Variants in MYH15 observed in about 807,000 individuals in gnomAD.
MYH15 encodes myosin heavy chain 15, also known as myosin-15.
MYH15 carries 227 observed loss-of-function variants against 240.5 expected under a neutral mutation model. The observed-to-expected ratio is 0.94, with a 90% confidence interval of 0.85 to 1.05. The LOEUF (loss-of-function observed/expected upper bound fraction) is 1.05. MYH15 is among the 50% of genes least tolerant of loss of function. MYH15 has a pLI of 0.00. For missense variants in MYH15, 2,217 were observed against 2,247.5 expected (o/e 0.99, Z 0.27); for synonymous variants, 785 against 796.7 (o/e 0.99, Z 0.25).
intron 1 of MYH15, among the ~76,000 whole-genome samples, chr3:108,516,773 A>T (rs1180446423): frequency 6.6e-6 from 1 of 152,220 alleles, no homozygotes; most frequent in East Asian, 1.9e-4. Flanking sequence ...AGGCAGGTTT[A>T]TCTTCTTCAA....
rs186897534 is a variant in MYH15 at position 108,470,531 on chromosome 3, A to G, written c.1383+167T>C. Among the ~76,000 whole-genome samples, 688 of 152,318 alleles carry G rather than the reference A, an allele frequency of 4.5e-3. 3 individuals are homozygous for G. Among genetic ancestry groups the G allele is most frequent in the Middle Eastern group, 0.031 (9 of 294 alleles). ...TAAATACTTAATACCATTAAGTATA[A>G]CAATAATTATTATTGATATTAATTA... On this transcript the variant is annotated intron_variant, in intron 13 of 40. Transcript: ENST00000693548.
chr3:108,512,402 G>C (rs1352656126), upstream of MYH15, among the ~76,000 whole-genome samples: 5 of 152,192 alleles, frequency 3.3e-5, no homozygotes, highest in Non-Finnish European at 7.3e-5. Flanking sequence ...AGGAAAAGCT[G>C]TAGTCAGGGA....
At chr3:108,492,414 T>C in intron 9 of MYH15, 86 bp downstream of exon 9, 1 of 941,480 alleles carries the variant, frequency 1.1e-6, no homozygotes, top group Non-Finnish European at 1.6e-6. Context: ...GCTAAGAAAC[T>C]TACCGAATAA....
chr3:108,484,994 AT>A, intron 11 of MYH15, 96 bp downstream of exon 11: 3 of 1,333,958 alleles, frequency 2.2e-6, no homozygotes, highest in Non-Finnish European at 3.1e-6. Context: ...CTATTGATTA[AT>A]TTTAAGTAAG....
Position 108,439,925 on chromosome 3 carries a change from A to C in MYH15, c.2899-12T>G. On this transcript the variant is annotated splice_polypyrimidine_tract_variant and intron_variant, in intron 23 of 40. Coordinates refer to ENST00000693548, the MANE Select transcript of MYH15 (RefSeq NM_014981.3). ...GTCAAGTTCTTGACCTGTGGGAAGA[A>C]GATGACAGCTTCATTAAAGCCACTG... 6.4e-7 allele frequency: 1 copy of C among 1,550,602 alleles called. No individual in the cohort carries two copies. The highest frequency in any genetic ancestry group is 8.7e-7 in the Non-Finnish European group (1 of 1,148,740).
rs1422109759 is a variant in MYH15, at chr3:108,399,183, C to T, written c.4821G>A (p.Lys1607=). Residue 1607 remains lysine (K), a synonymous_variant, in exon 34 of 41, where the codon AAG becomes AAA. Coordinates refer to ENST00000693548, the MANE Select transcript of MYH15 (RefSeq NM_014981.3). ...AKSRIEVTRL[K]KKMEEDLNEM... is the part of the protein sequence containing the mutation. ...CATTGAGGTCCTCTTCCATCTTCTT[C>T]TTCAGCCGGGTAACCTCAATTCTGC... The T allele has an allele frequency of 3.1e-6, 5 of 1,614,214 alleles. No individual in the cohort carries two copies. The Middle Eastern group carries it at 4.9e-4, about 160-fold the overall frequency.
chr3:108,471,073 G>GAGAGGGAGGGAGGGAGGA, intron 12 of MYH15, among the ~76,000 whole-genome samples: 1 of 128,082 alleles, frequency 7.8e-6, no homozygotes, highest in African/African-American at 2.9e-5. Context: ...GGGAGGGAGG[G>GAGAGGGAGGGAGGGAGGA]AGGAAGGAAG....
intron 16 of MYH15, 143 bp from the exon 17 acceptor site, chr3:108,460,510 A>G (rs1290211446): frequency 7.3e-6 from 4 of 551,330 alleles, no homozygotes; most frequent in Non-Finnish European, 1.2e-5. Context: ...CAAAATATTT[A>G]TGTCTTTTAT....
chr3:108,517,190 C>T (rs2083580264), intron 1 of MYH15, among the ~76,000 whole-genome samples: 1 of 152,200 alleles, frequency 6.6e-6, no homozygotes, highest in African/African-American at 2.4e-5. Context: ...TCCCTCTTTT[C>T]ACTAGTTTCT....
chr3:108,502,847 A>C (rs1576272764), intron 2 of MYH15, among the ~76,000 whole-genome samples: 1 of 152,070 alleles, frequency 6.6e-6, no homozygotes, highest in East Asian at 1.9e-4. Flanking sequence ...TCTTCTTTTG[A>C]GTCCCTTCAC....
At position 108,460,319 on chromosome 3, in the gene MYH15, G is replaced by T. The variant is rs370614771; in HGVS notation, c.1913C>A (p.Thr638Lys). The T allele has an allele frequency of 6.3e-7, 1 of 1,598,708 alleles. No individual in the cohort carries two copies. The highest frequency in any genetic ancestry group is 8.5e-7 in the Non-Finnish European group (1 of 1,172,188). The change falls in exon 17 of 41, where the codon ACG (threonine) becomes AAG (lysine). Residue 638 changes from threonine (T) to lysine (K), a missense_variant. Thr to Lys is a moderately conservative substitution (Grantham distance 78, BLOSUM62 -1). Coordinates refer to ENST00000693548, the MANE Select transcript of MYH15 (RefSeq NM_014981.3). ...AATTACTTTATGCAGAGATGCAACC[G>T]TTTGGAATGAAGCTCCTTTCTTTCG... ...KKRKKGASFQ[T>K]VASLHKENLN...
chr3:108,485,424 A>G (rs1437968767), intron 10 of MYH15, among the ~76,000 whole-genome samples, 195 bp from the exon 11 acceptor site: 1 of 152,218 alleles, frequency 6.6e-6, no homozygotes, highest in Non-Finnish European at 1.5e-5. Flanking sequence ...GAGAATTAGG[A>G]AGGCACAAGA....
At chr3:108,396,465 T>C (rs1044891481) in intron 35 of MYH15, among the ~76,000 whole-genome samples, 4 of 152,184 alleles carry the variant, frequency 2.6e-5, no homozygotes, top group Non-Finnish European at 4.4e-5. Flanking sequence ...TTTGCACTCC[T>C]ATGAGAATCT....
At chr3:108,482,093 A>AT (rs1158175993) in intron 11 of MYH15, among the ~76,000 whole-genome samples, 1 of 152,114 alleles carries the variant, frequency 6.6e-6, no homozygotes, top group Non-Finnish European at 1.5e-5. Context: ...GGCCATGGTG[A>AT]TAAGTTGTGA....
chr3:108,404,569 C>G (rs9288871), intron 33 of MYH15, among the ~76,000 whole-genome samples: 4,438 of 152,224 alleles, frequency 0.029, 221 homozygotes, highest in African/African-American at 0.1. Flanking sequence ...TGCTTTTATC[C>G]CCTCACTTCA....
intron 25 of MYH15, among the ~76,000 whole-genome samples, chr3:108,432,619 C>T (rs1251363577): frequency 1.3e-5 from 2 of 152,102 alleles, no homozygotes; most frequent in Non-Finnish European, 2.9e-5. Flanking sequence ...TGGGCTGGGC[C>T]CAGGGTCCCC....
At chr3:108,487,077 T>G (rs2107596694) in intron 9 of MYH15, among the ~76,000 whole-genome samples, 1 of 152,254 alleles carries the variant, frequency 6.6e-6, no homozygotes, top group Non-Finnish European at 1.5e-5. Flanking sequence ...TCAGCTGCTG[T>G]GTTCAGTGCT....
In MYH15 at chr3:108,408,354, T is replaced by C. The variant is rs767741062; in HGVS notation, c.4546A>G (p.Thr1516Ala). 2 of 1,613,692 alleles carry C rather than the reference T, an allele frequency of 1.2e-6. No individual in the cohort carries two copies. Among genetic ancestry groups the C allele is most frequent in the Non-Finnish European group, 1.7e-6 (2 of 1,179,880 alleles). Residue 1516 changes from threonine to alanine, a missense_variant, in exon 32 of 41, where the codon ACT (threonine) becomes GCT (alanine). Thr to Ala is a moderately conservative substitution (Grantham distance 58). Transcript: ENST00000693548. ...AGTTTCTTGACCTTTTCCATTTCAG[T>C]TAAGTTCTTGGTCCCTTCTCTAACC... is the stretch of plus-strand genomic sequence containing the variant. ...NQVREGTKNL[T>A]EMEKVKKLIE...
At chr3:108,544,789 T>C in the MYH15 span, among the ~76,000 whole-genome samples, 10 of 152,152 alleles carry the variant, frequency 6.6e-5, no homozygotes, top group South Asian at 6.2e-4. Flanking sequence ...ACACAACACA[T>C]ACATCTCTAC....
Sources: gnomAD v4.1 joint callset for allele counts (sites outside exome capture counted in the v4.1 genomes callset) on GRCh38, gnomAD v4.1.1 for gene constraint, MANE v1.5 for transcripts, NCBI Gene and HGNC (gene_info 2026-07-23, HGNC 2026-07-21) for gene names.